Variants in SIK3 observed in about 807,000 individuals in gnomAD.
The protein encoded by SIK3 is SIK family kinase 3.
Under a neutral mutation model 144.2 loss-of-function variants are expected in SIK3, and 28 were observed. That is an observed-to-expected ratio of 0.19 (90% CI 0.14 to 0.27). The LOEUF (loss-of-function observed/expected upper bound fraction) is 0.27. Ranked by LOEUF, SIK3 falls within the 10% of genes least tolerant of loss-of-function variation. SIK3 has a pLI of 1.00. For synonymous variants in SIK3, 686 were observed against 676.3 expected, an observed-to-expected ratio of 1.01 and a Z score of -0.22; for missense variants, 1,319 against 1,776.0, an observed-to-expected ratio of 0.74 and a Z score of 4.62.
chr11:116,874,078 G>A (rs764100985), intron 11 of SIK3, 22 bp from the exon 12 acceptor site: 9 of 1,612,406 alleles, frequency 5.6e-6, no homozygotes, highest in Non-Finnish European at 7.6e-6. Context: ...CAGAATGACA[G>A]AGAAGTTTAG....
intron 3 of SIK3, among the ~76,000 whole-genome samples, chr11:116,937,715 T>C (rs1345417470): frequency 3.3e-5 from 5 of 152,192 alleles, no homozygotes; most frequent in African/African-American, 7.2e-5. Flanking sequence ...ACTAAAGATA[T>C]AATATTTAAG....
intron 1 of SIK3, among the ~76,000 whole-genome samples, chr11:117,009,029 G>A (rs1035342042): frequency 6.6e-6 from 1 of 152,016 alleles, no homozygotes; most frequent in Admixed American, 6.6e-5. Flanking sequence ...GAAGTCAGGA[G>A]ATCAAGACCA....
chr11:116,853,137 C>T (rs959128962), intron 21 of SIK3, among the ~76,000 whole-genome samples: 50 of 152,036 alleles, frequency 3.3e-4, no homozygotes, highest in African/African-American at 1.2e-3. Flanking sequence ...TTTGGGGGCT[C>T]GAAAAGACAA....
chr11:116,986,645 C>T (rs985945267), intron 1 of SIK3, among the ~76,000 whole-genome samples: 1 of 152,180 alleles, frequency 6.6e-6, no homozygotes, highest in African/African-American at 2.4e-5. Flanking sequence ...TTTCCTCTAA[C>T]CTCAGGCATG....
intron 1 of SIK3, among the ~76,000 whole-genome samples, chr11:117,079,681 T>C (rs914875871): frequency 6.6e-6 from 1 of 151,690 alleles, no homozygotes; most frequent in Non-Finnish European, 1.5e-5. Flanking sequence ...ATAAAAGTAG[T>C]TGAAAAAAAT....
chr11:116,978,000 C>T (rs147893781), intron 1 of SIK3, among the ~76,000 whole-genome samples: 4,764 of 152,262 alleles, frequency 0.031, 97 homozygotes, highest in Non-Finnish European at 0.035. Flanking sequence ...GGGTGGATCA[C>T]GAGGTCAGGA....
chr11:117,085,438 T>TTTTG (rs138884537), intron 1 of SIK3, among the ~76,000 whole-genome samples: 1,609 of 152,078 alleles, frequency 0.011, 72 homozygotes, highest in East Asian at 0.091. Flanking sequence ...TGGGGTTTGG[T>TTTTG]TTTGTTTGTT....
chr11:117,028,306 T>C (rs1384388618), intron 1 of SIK3, among the ~76,000 whole-genome samples: 2 of 152,148 alleles, frequency 1.3e-5, no homozygotes, highest in African/African-American at 4.8e-5. Flanking sequence ...CTTCATCTAC[T>C]CAAGAAATAT....
At chr11:116,894,444 G>T (rs1160326158) in intron 6 of SIK3, among the ~76,000 whole-genome samples, 1 of 152,156 alleles carries the variant, frequency 6.6e-6, no homozygotes, top group African/African-American at 2.4e-5. Flanking sequence ...TCTCCAAAAT[G>T]TAAGTATTCT....
intron 1 of SIK3, among the ~76,000 whole-genome samples, chr11:117,068,743 GACCCTGTTTCAAAAGAA>G (rs1954130156): frequency 6.6e-6 from 1 of 152,202 alleles, no homozygotes; most frequent in Non-Finnish European, 1.5e-5. Context: ...GACAGAGTGA[GACCCTGTTTCAAAAGAA>G]AAGCCTTTGG....
rs978043440 is a variant in SIK3, at chr11:116,917,217, A to G, written c.616+10002T>C. 3.3e-5 allele frequency among the ~76,000 whole-genome samples: 5 copies of G among 152,092 alleles called. No individual in the cohort carries two copies. In the East Asian group the frequency reaches 7.7e-4, roughly 23 times the overall value. On this transcript the variant is annotated intron_variant, in intron 4 of 24. Coordinates refer to ENST00000445177, the MANE Select transcript of SIK3 (RefSeq NM_001366686.3). ...TAGTCCCTTCCCAACATCAACTTGC[A>G]TTTGAGGAGCTTACGATCCTCATGA... is the stretch of plus-strand genomic sequence containing the variant.
intron 1 of SIK3, among the ~76,000 whole-genome samples, chr11:117,048,872 G>A (rs1006250845): frequency 6.6e-6 from 1 of 152,102 alleles, no homozygotes; most frequent in African/African-American, 2.4e-5. Context: ...GGAAGCTGAG[G>A]CATGTGGATC....
chr11:117,068,070 T>C (rs1483711439), intron 1 of SIK3, among the ~76,000 whole-genome samples: 1 of 152,048 alleles, frequency 6.6e-6, no homozygotes, highest in African/African-American at 2.4e-5. Context: ...AATAACAAAT[T>C]TATGTTAAAA....
rs548726312 is a variant in SIK3 at position 117,037,969 on chromosome 11, TAGTAG to T, written c.273+60169_273+60173del. On this transcript the variant is annotated intron_variant, in intron 1 of 24. Transcript: ENST00000445177. Reference sequence around the variant, plus strand: ...AAGAAATCATAAAATCATACCACTTTAGTAGTTCTGAAAAGTTTTATAATGCCTCT... The same window carrying T: ...AAGAAATCATAAAATCATACCACTTTTTCTGAAAAGTTTTATAATGCCTCT... Among the ~76,000 whole-genome samples the T allele has an allele frequency of 2.0e-4, 30 of 152,356 alleles. No individual in the cohort carries two copies. In the South Asian group the frequency reaches 5.8e-3, roughly 29 times the overall value.
intron 1 of SIK3, among the ~76,000 whole-genome samples, chr11:117,003,449 T>A (rs1737790829): frequency 6.6e-6 from 1 of 152,084 alleles, no homozygotes; most frequent in South Asian, 2.1e-4. Flanking sequence ...AAGTATGACC[T>A]GAAAGTACCT....
chr11:117,014,007 T>C (rs1951414799), intron 1 of SIK3, among the ~76,000 whole-genome samples: 1 of 118,074 alleles, frequency 8.5e-6, no homozygotes, highest in Non-Finnish European at 1.7e-5. Flanking sequence ...GACAGGATGG[T>C]CTTGCTCTGT....
At chr11:116,964,397 G>T (rs1220488307) in intron 1 of SIK3, among the ~76,000 whole-genome samples, 1 of 152,056 alleles carries the variant, frequency 6.6e-6, no homozygotes, top group Non-Finnish European at 1.5e-5. Flanking sequence ...GAAAGAACAG[G>T]TTATTCTATT....
intron 1 of SIK3, among the ~76,000 whole-genome samples, chr11:117,060,395 G>A (rs557535475): frequency 2.0e-5 from 3 of 152,154 alleles, no homozygotes; most frequent in Non-Finnish European, 4.4e-5. Flanking sequence ...TCAGGAGTTC[G>A]AGACCAACCT....
rs149674006 is a variant in SIK3 at position 116,930,640 on chromosome 11, C to A, written c.455-3260G>T. ...GATAAACTCCAATTGCAAGGAACTCCAGAGTTGTTCTGCTTCTTCCAGGCA... is the reference window on the plus strand; with the variant it reads ...GATAAACTCCAATTGCAAGGAACTCAAGAGTTGTTCTGCTTCTTCCAGGCA... On this transcript the variant is annotated intron_variant, in intron 3 of 24. Transcript: ENST00000445177. 2.4e-3 allele frequency among the ~76,000 whole-genome samples: 369 copies of A among 152,248 alleles called. 2 individuals are homozygous for A. The highest frequency in any genetic ancestry group is 8.5e-3 in the African/African-American group (353 of 41,546).
Sources: allele counts gnomAD v4.1 joint callset (sites outside exome capture counted in the v4.1 genomes callset), GRCh38; gene constraint gnomAD v4.1.1; transcripts MANE v1.5; gene names NCBI Gene and HGNC (gene_info 2026-07-23, HGNC 2026-07-21).